Variants in CTNND1 observed in about 807,000 individuals in gnomAD.
CTNND1 encodes the protein catenin delta-1.
Under a neutral mutation model 112.1 loss-of-function variants are expected in CTNND1, and 16 were observed. That is an observed-to-expected ratio of 0.14 (90% CI 0.10 to 0.22). The LOEUF (loss-of-function observed/expected upper bound fraction) is 0.22, where lower values mean the gene tolerates loss of function less well. CTNND1 is among the 10% of genes least tolerant of loss of function. The pLI is 1.00. For synonymous variants in CTNND1, 420 were observed against 446.5 expected, an observed-to-expected ratio of 0.94 and a Z score of 0.75; for missense variants, 1,008 against 1,257.0, an observed-to-expected ratio of 0.80 and a Z score of 3.00.
In CTNND1 at chr11:57,818,714, T is replaced by C. The variant is rs1312609568; in HGVS notation, c.*2406T>C. ...TATTGCTAATTTAGAGATAGGAAAC[T>C]GAAGCATAAAGAATTAATGACTTAC... On this transcript the variant is annotated 3_prime_UTR_variant, in exon 21 of 21. Transcript: ENST00000399050. 1 of 152,230 alleles carries C rather than the reference T, an allele frequency of 6.6e-6. No homozygotes were observed. The highest frequency in any genetic ancestry group is 1.9e-4 in the East Asian group (1 of 5,202). The allele number at this position is 152,230 out of a possible 1,614,324, so 9.4% of individuals were successfully genotyped here. A position where few individuals can be genotyped will look rare whatever the true frequency, so the allele number is the denominator to read the frequency against.
In CTNND1 at chr11:57,788,996, TTTTC is replaced by T. The variant is rs1294031821; in HGVS notation, c.-213-40_-213-37del. ...GTTTTTATGTATTGGGTATATTTTATTTTCCTCTCATTCCCATTTTTCCTTCAAA... is the reference window on the plus strand; with the variant it reads ...GTTTTTATGTATTGGGTATATTTTATCTCTCATTCCCATTTTTCCTTCAAA... On this transcript the variant is annotated intron_variant, in intron 1 of 20. Coordinates refer to ENST00000399050, the MANE Select transcript of CTNND1 (RefSeq NM_001085458.2). This position sits in a 1 kb window ranked among gnomAD's most constrained non-coding sequence, Gnocchi z 4.1. 1.2e-5 allele frequency: 17 copies of T among 1,376,992 alleles called. No individual in the cohort carries two copies. The highest frequency in any genetic ancestry group is 1.7e-5 in the Non-Finnish European group (17 of 1,002,358). The allele number at this position is 1,376,992 out of a possible 1,614,324, so 85.3% of individuals were successfully genotyped here. A position where few individuals can be genotyped will look rare whatever the true frequency, so the allele number is the denominator to read the frequency against.
chr11:57,810,987 T>G (rs977026539), intron 16 of CTNND1, among the ~76,000 whole-genome samples: 1 of 151,962 alleles, frequency 6.6e-6, no homozygotes, highest in Non-Finnish European at 1.5e-5. Flanking sequence ...AAGATTTGGT[T>G]TACTCCTCAA....
At chr11:57,796,364 G>A in intron 5 of CTNND1, 93 bp from the exon 6 acceptor site, 1 of 1,221,882 alleles carries the variant, frequency 8.2e-7, no homozygotes, top group Non-Finnish European at 1.1e-6. Flanking sequence ...TCCAGCCAGG[G>A]CAACAGTGCA....
chr11:57,791,520 C>T lies in CTNND1; in HGVS notation c.42C>T (p.Ala14=), dbSNP rs376769498. 464 of 1,595,108 alleles carry T rather than the reference C, an allele frequency of 2.9e-4. 2 individuals carry two copies. Among genetic ancestry groups the T allele is most frequent in the Non-Finnish European group, 3.8e-4 (443 of 1,171,400 alleles). ...SEVESTASIL[A]SVKEQEAQFE... ...TGGAGTCGACCGCCAGCATCTTGGCCTCTGTGAAGGAACAAGAGGCCCAGT... is the reference window on the plus strand; with the variant it reads ...TGGAGTCGACCGCCAGCATCTTGGCTTCTGTGAAGGAACAAGAGGCCCAGT... Residue 14 remains alanine (A), a synonymous_variant, in exon 3 of 21, where the codon GCC becomes GCT. Coordinates refer to ENST00000399050, the MANE Select transcript of CTNND1 (RefSeq NM_001085458.2).
At chr11:57,771,876 G>A (rs1433537461) in intron 1 of CTNND1, among the ~76,000 whole-genome samples, 2 of 152,004 alleles carry the variant, frequency 1.3e-5, no homozygotes, top group East Asian at 3.8e-4. Context: ...ATGATAATAA[G>A]GCAGCTACTT....
At chr11:57,787,718 G>C (rs1333032951) in intron 1 of CTNND1, among the ~76,000 whole-genome samples, 1 of 152,176 alleles carries the variant, frequency 6.6e-6, no homozygotes, top group Non-Finnish European at 1.5e-5. Context: ...TATGGCCTCT[G>C]CTTCTGTCCT....
chr11:57,765,260 A>G (rs1950773359), intron 1 of CTNND1, among the ~76,000 whole-genome samples: 1 of 151,898 alleles, frequency 6.6e-6, no homozygotes, highest in African/African-American at 2.4e-5. Flanking sequence ...TCTTTTTAGC[A>G]CCTGTCTTAG....
rs1306279330 is a variant in CTNND1 at position 57,795,571 on chromosome 11, A to G, written c.268-6A>G. ...TAGTTTCTTCTCTTTTCTCTTTTGC[A>G]TATAGGATCACAGTCACCTTCTATA... is the stretch of plus-strand genomic sequence containing the variant. On this transcript the variant is annotated splice_region_variant and splice_polypyrimidine_tract_variant and intron_variant, in intron 4 of 20. Coordinates refer to ENST00000399050, the MANE Select transcript of CTNND1 (RefSeq NM_001085458.2). 3 of 1,606,900 alleles carry G rather than the reference A, an allele frequency of 1.9e-6. No homozygotes were observed. Among genetic ancestry groups the G allele is most frequent in the South Asian group, 2.2e-5 (2 of 89,718 alleles).
rs547511610 is a variant in CTNND1, at chr11:57,811,348, T to G, written c.2551-51T>G. The G allele has an allele frequency of 9.0e-5, 131 of 1,449,070 alleles. No individual in the cohort carries two copies. In the South Asian group the frequency reaches 1.5e-3, roughly 17 times the overall value. The allele number at this position is 1,449,070 out of a possible 1,614,324, so 89.8% of individuals were successfully genotyped here. A position where few individuals can be genotyped will look rare whatever the true frequency, so the allele number is the denominator to read the frequency against. On this transcript the variant is annotated intron_variant, in intron 16 of 20. Transcript: ENST00000399050. ...GGTTTATGCCCATTAGAGCATAAGA[T>G]AGGGTGAATTCAGTATTCTGTCACA...
intron 18 of CTNND1, among the ~76,000 whole-genome samples, chr11:57,814,937 G>A (rs2063784370): frequency 6.6e-6 from 1 of 151,888 alleles, no homozygotes; most frequent in Non-Finnish European, 1.5e-5. Context: ...GTCATATTCT[G>A]GGTATTTTAT....
At chr11:57,789,752 CT>C (rs2060494738) in intron 2 of CTNND1, among the ~76,000 whole-genome samples, 7 of 152,124 alleles carry the variant, frequency 4.6e-5, no homozygotes, top group Admixed American at 4.6e-4. Context: ...CTGTCCTGGG[CT>C]GCATGCGTCC....
At chr11:57,804,097 G>A (rs2062354829) in intron 8 of CTNND1, 1 of 246,950 alleles carries the variant, frequency 4.0e-6, no homozygotes. Context: ...CATGTAAGGT[G>A]GTCTAGTCCT....
At chr11:57,791,256 T>G (rs2060708481) in intron 2 of CTNND1, 129 bp from the exon 3 acceptor site, 1 of 649,178 alleles carries the variant, frequency 1.5e-6, no homozygotes, top group African/African-American at 1.9e-5. Flanking sequence ...GCTCCCAGGC[T>G]TGGCGGTGGC....
Position 57,816,496 on chromosome 11 carries a change from C to A in CTNND1, c.*188C>A. 1.5e-6 allele frequency: 1 copy of A among 646,630 alleles called. No homozygotes were observed. The highest frequency in any genetic ancestry group is 2.7e-6 in the Non-Finnish European group (1 of 368,178). The allele number at this position is 646,630 out of a possible 1,614,324, so 40.1% of individuals were successfully genotyped here. A position where few individuals can be genotyped will look rare whatever the true frequency, so the allele number is the denominator to read the frequency against. On this transcript the variant is annotated 3_prime_UTR_variant, in exon 21 of 21. Coordinates refer to ENST00000399050, the MANE Select transcript of CTNND1 (RefSeq NM_001085458.2). ...ACTTCTTCCTGTGAAGTTTAATTGT[C>A]TCAACGCCTCCCCCTCCCCCATTCC...
At chr11:57,814,953 T>C (rs893883309) in intron 18 of CTNND1, among the ~76,000 whole-genome samples, 1 of 152,180 alleles carries the variant, frequency 6.6e-6, no homozygotes, top group Non-Finnish European at 1.5e-5. Context: ...TTTATACATA[T>C]TGTCTTCCAT....
At position 57,809,399 on chromosome 11, in the gene CTNND1, T is replaced by A; in HGVS notation, c.2368T>A (p.Leu790Met). 6.2e-7 allele frequency: 1 copy of A among 1,613,958 alleles called. No homozygotes were observed. The highest frequency in any genetic ancestry group is 8.5e-7 in the Non-Finnish European group (1 of 1,179,864). ...NTINEVIAENLEAAKKLRETQ... is the reference protein window; with the variant it reads ...NTINEVIAENMEAAKKLRETQ... Reference sequence around the variant, plus strand: ...TATCAACGAGGTTATCGCTGAGAACTTGGAGGCTGCCAAAAAGCTTCGAGA... The same window carrying A: ...TATCAACGAGGTTATCGCTGAGAACATGGAGGCTGCCAAAAAGCTTCGAGA... The change falls in exon 15 of 21, where the codon TTG (leucine) becomes ATG (methionine). Residue 790 changes from leucine to methionine, a missense_variant. Leu to Met is a conservative substitution (Grantham distance 15, BLOSUM62 2). This residue lies in a region of CTNND1 where 254 missense variants were observed against 279.5 expected (regional missense o/e 0.91). Coordinates refer to ENST00000399050, the MANE Select transcript of CTNND1 (RefSeq NM_001085458.2).
Position 57,761,857 on chromosome 11 carries a change from T to C in CTNND1, c.-476T>C. Reference sequence around the variant, plus strand: ...GCCTTTGGCTGGGTGCAACTTCCATTTTAGGTGTTGGATCTGAGGGGGAAA... The same window carrying C: ...GCCTTTGGCTGGGTGCAACTTCCATCTTAGGTGTTGGATCTGAGGGGGAAA... On this transcript the variant is annotated 5_prime_UTR_variant, in exon 1 of 21. Transcript: ENST00000399050. 1 of 984,950 alleles carries C rather than the reference T, an allele frequency of 1.0e-6. No homozygotes were observed. Among genetic ancestry groups the C allele is most frequent in the Non-Finnish European group, 1.2e-6 (1 of 829,876 alleles). 61.0% of individuals were successfully genotyped at this position (984,950 alleles called of 1,614,324 possible).
intron 1 of CTNND1, 40 bp downstream of exon 1, chr11:57,762,159 C>A: frequency 1.1e-6 from 1 of 882,502 alleles, no homozygotes; most frequent in Non-Finnish European, 1.4e-6. Flanking sequence ...GTCTGTTATG[C>A]TGATGAGTAA....
At chr11:57,812,257 T>C (rs897336890) in intron 17 of CTNND1, among the ~76,000 whole-genome samples, 1 of 152,222 alleles carries the variant, frequency 6.6e-6, no homozygotes, top group South Asian at 2.1e-4. Context: ...TGGTAGCTCA[T>C]GCCTGTAATC....
Sources: allele counts gnomAD v4.1 joint callset (sites outside exome capture counted in the v4.1 genomes callset), GRCh38; gene constraint gnomAD v4.1.1; regional missense constraint gnomAD v4.1.1; non-coding constraint Gnocchi (gnomAD v3.1); transcripts MANE v1.5; gene names NCBI Gene and HGNC (gene_info 2026-07-23, HGNC 2026-07-21).